The following KCNS3 variants were observed in gnomAD, a reference collection of about 807,000 sequenced individuals.
KCNS3 encodes the protein delayed-rectifier potassium channel regulatory subunit KCNS3.
In KCNS3, 13 loss-of-function variants were observed where a neutral mutation model predicts 31.0. The observed-to-expected ratio is 0.42, with a 90% CI of 0.27 to 0.67. The LOEUF is 0.67. KCNS3 is among the 30% of genes least tolerant of loss of function. The pLI is 0.25. For synonymous variants in KCNS3, 238 were observed against 241.5 expected, an observed-to-expected ratio of 0.99 and a Z score of 0.13; for missense variants, 545 against 622.4, an observed-to-expected ratio of 0.88 and a Z score of 1.32.
chr2:17,902,226 C>T (rs13382709), intron 1 of KCNS3, among the ~76,000 whole-genome samples: 19,579 of 151,840 alleles, frequency 0.13, 1,411 homozygotes, highest in Non-Finnish European at 0.14. Context: ...TTAGCAAAAA[C>T]GCTTAAAAAT....
At chr2:17,905,709 T>C (rs1167920173) in intron 1 of KCNS3, among the ~76,000 whole-genome samples, 1 of 152,240 alleles carries the variant, frequency 6.6e-6, no homozygotes, top group Non-Finnish European at 1.5e-5. Context: ...TCTGCATCTA[T>C]TGAGATAATC....
Position 17,932,352 on chromosome 2 carries a change from G to A in KCNS3, c.1344G>A (p.Met448Ile), listed in dbSNP as rs144169570. ...FNIRDIYAQR[M>I]HTFITSLSSV... is the part of the protein sequence containing the mutation. ...TTAGGGATATATATGCACAGCGGATGCACACCTTCATTACCAGTCTCTCTT... is the reference window on the plus strand; with the variant it reads ...TTAGGGATATATATGCACAGCGGATACACACCTTCATTACCAGTCTCTCTT... The change falls in exon 3 of 3, where the codon ATG (methionine) becomes ATA (isoleucine). Residue 448 changes from methionine to isoleucine, a missense_variant. Transcript: ENST00000304101. 586 of 1,613,982 alleles carry A rather than the reference G, an allele frequency of 3.6e-4. No homozygotes were observed. Among genetic ancestry groups the A allele is most frequent in the Non-Finnish European group, 4.6e-4 (539 of 1,179,998 alleles).
At chr2:17,893,940 G>GTTTTTTTTTTTTTTTTTTTTT (rs5829612) in intron 1 of KCNS3, among the ~76,000 whole-genome samples, 5 of 98,904 alleles carry the variant, frequency 5.1e-5, no homozygotes, top group African/African-American at 2.2e-4. Context: ...CCAGGAGCCA[G>GTTTTTTTTTTTTTTTTTTTTT]TTTTTTTTTT....
chr2:17,921,567 G>T (rs1410582818), intron 2 of KCNS3, among the ~76,000 whole-genome samples: 1 of 151,956 alleles, frequency 6.6e-6, no homozygotes, highest in Non-Finnish European at 1.5e-5. Context: ...AGGGAAAGAG[G>T]TTTAATTGAT....
In KCNS3 at chr2:17,888,633, A is replaced by ATCTATATCTATATC. The variant is rs1553341407; in HGVS notation, c.-252+9828_-252+9829insCTATATCTATATCT. Among the ~76,000 whole-genome samples the ATCTATATCTATATC allele has an allele frequency of 3.6e-4, 18 of 50,468 alleles. No homozygotes were observed. In the South Asian group the frequency reaches 5.3e-3, roughly 15 times the overall value. 33.1% of individuals were successfully genotyped at this position (50,468 alleles called of 152,430 possible). On this transcript the variant is annotated intron_variant, in intron 1 of 2. Transcript: ENST00000304101. ...TTAAAGTATAATAAAAAAAATGTAT[A>ATCTATATCTATATC]TATATATATATATATATATATATAT...
intron 1 of KCNS3, among the ~76,000 whole-genome samples, chr2:17,894,300 T>C (rs1661967929): frequency 6.6e-6 from 1 of 152,058 alleles, no homozygotes; most frequent in Non-Finnish European, 1.5e-5. Flanking sequence ...AGGGAGGAGA[T>C]GAGTTTTCTC....
intron 1 of KCNS3, among the ~76,000 whole-genome samples, chr2:17,912,998 A>T (rs1244227096): frequency 6.6e-6 from 1 of 152,216 alleles, no homozygotes; most frequent in Non-Finnish European, 1.5e-5. Flanking sequence ...GGATATTCTT[A>T]GTCATGCCCT....
intron 2 of KCNS3, among the ~76,000 whole-genome samples, chr2:17,929,650 T>G (rs1281429335): frequency 6.6e-6 from 1 of 152,242 alleles, no homozygotes; most frequent in African/African-American, 2.4e-5. Context: ...GCTATGAAGC[T>G]TCTCCAGGTA....
At chr2:17,889,719 G>A (rs1315882602) in intron 1 of KCNS3, among the ~76,000 whole-genome samples, 2 of 151,978 alleles carry the variant, frequency 1.3e-5, no homozygotes, top group Non-Finnish European at 2.9e-5. Context: ...TGTTTATGTG[G>A]TATATCTCAT....
chr2:17,903,578 G>C (rs976204467), intron 1 of KCNS3, among the ~76,000 whole-genome samples: 5 of 151,980 alleles, frequency 3.3e-5, no homozygotes. Flanking sequence ...TTTAACATTA[G>C]GTATATCTCC....
chr2:17,892,770 A>G (rs1661890197), intron 1 of KCNS3, among the ~76,000 whole-genome samples: 1 of 152,142 alleles, frequency 6.6e-6, no homozygotes, highest in Admixed American at 6.5e-5. Flanking sequence ...GCCTGCACAG[A>G]GTTCTGTGAT....
chr2:17,895,066 G>A (rs971353467), intron 1 of KCNS3, among the ~76,000 whole-genome samples: 11 of 152,164 alleles, frequency 7.2e-5, no homozygotes, highest in African/African-American at 2.7e-4. Flanking sequence ...TCTGGGCAAA[G>A]CGTTTAAAAA....
chr2:17,904,726 G>C (rs1469547720), intron 1 of KCNS3, among the ~76,000 whole-genome samples: 23 of 152,084 alleles, frequency 1.5e-4, no homozygotes, highest in East Asian at 5.8e-4. Context: ...AATCCTTTCC[G>C]CATTTCTTCT....
chr2:17,899,895 A>G (rs868860026), intron 1 of KCNS3, among the ~76,000 whole-genome samples: 11 of 152,314 alleles, frequency 7.2e-5, no homozygotes, highest in Middle Eastern at 6.8e-3. Context: ...TTGTTTAAAC[A>G]CTCATTTAGG....
chr2:17,891,451 T>C (rs1343905758), intron 1 of KCNS3, among the ~76,000 whole-genome samples: 1 of 152,200 alleles, frequency 6.6e-6, no homozygotes, highest in Non-Finnish European at 1.5e-5. Flanking sequence ...TCGTGCTCTT[T>C]GTTGCCTGTG....
intron 1 of KCNS3, among the ~76,000 whole-genome samples, chr2:17,908,856 G>C (rs1662401553): frequency 6.6e-6 from 1 of 152,228 alleles, no homozygotes; most frequent in Non-Finnish European, 1.5e-5. Flanking sequence ...CGTGTGAAGT[G>C]TCAGTCTGCC....
At chr2:17,907,170 T>G (rs1382581821) in intron 1 of KCNS3, among the ~76,000 whole-genome samples, 1 of 142,562 alleles carries the variant, frequency 7.0e-6, no homozygotes, top group East Asian at 2.0e-4. Flanking sequence ...ATATTTAAGA[T>G]AGTTAGCTCT....
chr2:17,887,075 T>A (rs1661681108), intron 1 of KCNS3, among the ~76,000 whole-genome samples: 1 of 152,136 alleles, frequency 6.6e-6, no homozygotes, highest in Non-Finnish European at 1.5e-5. Flanking sequence ...TGCTTTCTCA[T>A]GTAATTTTTA....
chr2:17,883,871 G>C (rs948351432), intron 1 of KCNS3, among the ~76,000 whole-genome samples: 3 of 152,046 alleles, frequency 2.0e-5, no homozygotes, highest in Non-Finnish European at 4.4e-5. Flanking sequence ...GTCCAACAAT[G>C]ATAGACTGGA....
Sources: allele counts gnomAD v4.1 joint callset (sites outside exome capture counted in the v4.1 genomes callset), GRCh38; gene constraint gnomAD v4.1.1; transcripts MANE v1.5; gene names NCBI Gene and HGNC (gene_info 2026-07-23, HGNC 2026-07-21).